Variants in EXT1 observed in about 807,000 individuals in gnomAD.
EXT1 encodes the protein exostosin-1.
A neutral mutation model predicts 82.5 loss-of-function variants in EXT1; 20 were observed. That is an observed-to-expected ratio of 0.24 (90% CI 0.17 to 0.35). EXT1 has a LOEUF of 0.35. Among genes scored for constraint, EXT1 ranks in the 10% least tolerant of loss-of-function variants. The pLI is 1.00. For synonymous variants in EXT1, 348 were observed against 350.8 expected (o/e 0.99, Z 0.09); for missense variants, 757 against 936.5 (o/e 0.81, Z 2.50).
At chr8:117,937,853 A>C (rs548270033) in intron 1 of EXT1, among the ~76,000 whole-genome samples, 29 of 152,078 alleles carry the variant, frequency 1.9e-4, no homozygotes, top group African/African-American at 7.0e-4. Flanking sequence ...TAATTATGAC[A>C]ATTGCTTCCT....
chr8:117,840,360 C>G (rs764058848), intron 1 of EXT1, among the ~76,000 whole-genome samples: 2 of 152,222 alleles, frequency 1.3e-5, no homozygotes, highest in Admixed American at 1.3e-4. Context: ...CACCTGTAAT[C>G]CCAGCACTTT....
At chr8:117,811,387 C>A (rs4370563) in intron 8 of EXT1, among the ~76,000 whole-genome samples, 55,199 of 151,928 alleles carry the variant, frequency 0.36, 10,775 homozygotes, top group Admixed American at 0.51. Context: ...CTTCCTCCTG[C>A]CAACCTACAC....
intron 1 of EXT1, among the ~76,000 whole-genome samples, chr8:117,880,710 C>G (rs1813044322): frequency 6.6e-6 from 1 of 151,792 alleles, no homozygotes; most frequent in Non-Finnish European, 1.5e-5. Flanking sequence ...CCTGCCTCAG[C>G]CTCCCGAGTA....
At position 117,812,938 on chromosome 8, in the gene EXT1, G is replaced by A. The variant is rs781385665; in HGVS notation, c.1656C>T (p.Pro552=). The part of the protein sequence containing the change: ...ESKVMSSRFL[P]YDNIITDAVL... ...CGGCGTCTGTGATGATGTTGTCGTA[G>A]GGCAGAAAACGGCTGCTCATAACCT... The change falls in exon 8 of 11, where the codon CCC becomes CCT. Residue 552 remains proline, a synonymous_variant. Coordinates refer to ENST00000378204, the MANE Select transcript of EXT1 (RefSeq NM_000127.3). 6.8e-6 allele frequency: 11 copies of A among 1,613,860 alleles called. No individual in the cohort carries two copies. The highest frequency in any genetic ancestry group is 2.2e-5 in the East Asian group (1 of 44,852).
At chr8:117,886,904 A>G (rs1007850186) in intron 1 of EXT1, among the ~76,000 whole-genome samples, 4 of 152,192 alleles carry the variant, frequency 2.6e-5, no homozygotes, top group Non-Finnish European at 5.9e-5. Flanking sequence ...AAAAAGAAAA[A>G]AAGCTTAGAA....
Position 117,826,124 on chromosome 8 carries a change from A to G in EXT1, c.1285-3527T>C, listed in dbSNP as rs541952999. Among the ~76,000 whole-genome samples, 6 of 152,342 alleles carry G rather than the reference A, an allele frequency of 3.9e-5. No homozygotes were observed. In the South Asian group the frequency reaches 1.2e-3, roughly 32 times the overall value. On this transcript the variant is annotated intron_variant, in intron 4 of 10. Transcript: ENST00000378204. ...TCTACAGAGCCTAGTTTGATTAAAT[A>G]GCTCCTTATTACCAAGATGCAGCAT... is the stretch of plus-strand genomic sequence containing the variant.
rs1008829781 is a variant in EXT1 at position 118,104,339 on chromosome 8, T to C, written c.962+5746A>G. ...ATCTGTTATCTGAAATGAATGCTAG[T>C]TATCCCTTATCTAAAGAAAGTTAAT... On this transcript the variant is annotated intron_variant, in intron 1 of 10. Transcript: ENST00000378204. 7.9e-5 allele frequency among the ~76,000 whole-genome samples: 12 copies of C among 152,338 alleles called. No individual in the cohort carries two copies. The South Asian group carries it at 2.5e-3, about 32-fold the overall frequency.
At position 117,933,484 on chromosome 8, in the gene EXT1, G is replaced by T. The variant is rs138263785; in HGVS notation, c.963-96283C>A. On this transcript the variant is annotated intron_variant, in intron 1 of 10. Transcript: ENST00000378204. ...TGTTCTCCAAATCGTGACCTCAAGGGATCCACCGGCCTTGGCCTCCCAAAA... is the reference window on the plus strand; with the variant it reads ...TGTTCTCCAAATCGTGACCTCAAGGTATCCACCGGCCTTGGCCTCCCAAAA... 8.7e-4 allele frequency among the ~76,000 whole-genome samples: 133 copies of T among 152,178 alleles called. 1 individual carries two copies. Among genetic ancestry groups the T allele is most frequent in the Non-Finnish European group, 4.4e-4 (30 of 67,998 alleles).
At chr8:118,053,236 G>A (rs972718614) in intron 1 of EXT1, among the ~76,000 whole-genome samples, 4 of 152,112 alleles carry the variant, frequency 2.6e-5, no homozygotes, top group African/African-American at 7.2e-5. Context: ...AATGGAGGTC[G>A]GTTCTAAGCC....
At chr8:118,014,311 G>T (rs1390023154) in intron 1 of EXT1, among the ~76,000 whole-genome samples, 3 of 152,128 alleles carry the variant, frequency 2.0e-5, no homozygotes, top group African/African-American at 7.2e-5. Context: ...TTTTCTTTGG[G>T]TCTGCAAAAT....
chr8:117,889,460 C>T (rs1813204732), intron 1 of EXT1, among the ~76,000 whole-genome samples: 1 of 152,230 alleles, frequency 6.6e-6, no homozygotes, highest in Non-Finnish European at 1.5e-5. Context: ...AAGCACTAGA[C>T]CATATTTTCC....
At chr8:117,991,331 G>A (rs1294921303) in intron 1 of EXT1, among the ~76,000 whole-genome samples, 3 of 152,100 alleles carry the variant, frequency 2.0e-5, no homozygotes, top group Admixed American at 2.0e-4. Context: ...AAGCAGTTGT[G>A]GTTTTCCCGA....
chr8:117,925,852 T>C (rs1813944026), intron 1 of EXT1, among the ~76,000 whole-genome samples: 1 of 152,064 alleles, frequency 6.6e-6, no homozygotes, highest in Admixed American at 6.6e-5. Context: ...GAACCAAGAT[T>C]GTGCCACTGC....
intron 1 of EXT1, among the ~76,000 whole-genome samples, chr8:117,848,081 CATTCACAAAAA>C (rs1812394443): frequency 6.6e-6 from 1 of 152,156 alleles, no homozygotes. Flanking sequence ...TGATATAGCA[CATTCACAAAAA>C]ATTCTAGAAC....
intron 1 of EXT1, among the ~76,000 whole-genome samples, chr8:117,940,663 T>C (rs749086336): frequency 1.9e-4 from 29 of 152,208 alleles, no homozygotes; most frequent in Non-Finnish European, 3.8e-4. Context: ...AGGCCTAGAA[T>C]GAGGCATAAG....
intron 7 of EXT1, among the ~76,000 whole-genome samples, chr8:117,818,045 C>G (rs190247601): frequency 6.6e-6 from 1 of 152,176 alleles, no homozygotes; most frequent in Non-Finnish European, 1.5e-5. Context: ...ATCAGCCAAG[C>G]AAACCATCAC....
intron 4 of EXT1, among the ~76,000 whole-genome samples, chr8:117,824,968 A>C (rs1449195576): frequency 6.6e-6 from 1 of 151,980 alleles, no homozygotes; most frequent in Non-Finnish European, 1.5e-5. Context: ...CTGGGCTCAA[A>C]GGATACTCCC....
chr8:117,863,302 C>T lies in EXT1; in HGVS notation c.963-26101G>A, dbSNP rs114954474. On this transcript the variant is annotated intron_variant, in intron 1 of 10. Transcript: ENST00000378204. The stretch of plus-strand genomic sequence containing the variant: ...CTATGCACTAGAACCCAGACTGGAA[C>T]GGTAGTGGTCTGATTCCAAAGTGCA... Among the ~76,000 whole-genome samples the T allele has an allele frequency of 1.6e-4, 18 of 112,020 alleles. 1 individual carries two copies. Among genetic ancestry groups the T allele is most frequent in the South Asian group, 5.5e-4 (2 of 3,630 alleles). The allele number at this position is 112,020 out of a possible 152,430, so 73.5% of individuals were successfully genotyped here. A position where few individuals can be genotyped will look rare whatever the true frequency, so the allele number is the denominator to read the frequency against.
At chr8:118,046,651 C>A (rs1563639467) in intron 1 of EXT1, among the ~76,000 whole-genome samples, 1 of 152,122 alleles carries the variant, frequency 6.6e-6, no homozygotes, top group African/African-American at 2.4e-5. Context: ...AAAATTAAAC[C>A]TAGAATTACA....
Sources: allele counts gnomAD v4.1 joint callset (sites outside exome capture counted in the v4.1 genomes callset), GRCh38; gene constraint gnomAD v4.1.1; transcripts MANE v1.5; gene names NCBI Gene and HGNC (gene_info 2026-07-23, HGNC 2026-07-21).